F13A1: variants seen among roughly 807,000 people sequenced by gnomAD.
F13A1 encodes FSF, A subunit.
Under a neutral mutation model 80.1 loss-of-function variants are expected in F13A1, and 47 were observed. That is an observed-to-expected ratio of 0.59 (90% CI 0.46 to 0.75). The LOEUF is 0.75. Among genes scored for constraint, F13A1 ranks in the 30% least tolerant of loss-of-function variants. The pLI is 0.00. For missense variants in F13A1, 817 were observed against 930.4 expected, an observed-to-expected ratio of 0.88 and a Z score of 1.59; for synonymous variants, 349 against 344.9, an observed-to-expected ratio of 1.01 and a Z score of -0.13.
chr6:6,286,352 C>T (rs924153655), intron 3 of F13A1, among the ~76,000 whole-genome samples: 1 of 152,226 alleles, frequency 6.6e-6, no homozygotes, highest in Non-Finnish European at 1.5e-5. Flanking sequence ...CGCCACTTCT[C>T]TCCAGCCTGG....
chr6:6,188,075 T>G (rs1394079889), intron 10 of F13A1, among the ~76,000 whole-genome samples: 1 of 152,038 alleles, frequency 6.6e-6, no homozygotes, highest in Non-Finnish European at 1.5e-5. Flanking sequence ...TGATATCCCC[T>G]TTATCATTTT....
rs371552316 is a variant in F13A1 at position 6,151,854 on chromosome 6, C to T, written c.2004G>A (p.Leu668=). ...KETLRNVWVH[L]DGPGVTRPMK... is the part of the protein sequence containing the mutation. ...TTGGTCTTGTTACTCCAGGACCATC[C>T]AGGTGTACCCAGACATTTCGCAGGG... The change falls in exon 14 of 15, where the codon CTG becomes CTA. Residue 668 remains leucine, a synonymous_variant. Transcript: ENST00000264870. 3 of 1,613,966 alleles carry T rather than the reference C, an allele frequency of 1.9e-6. No individual in the cohort carries two copies. Among genetic ancestry groups the T allele is most frequent in the Admixed American group, 1.7e-5 (1 of 59,988 alleles).
chr6:6,289,955 T>C (rs1758201364), intron 3 of F13A1, among the ~76,000 whole-genome samples: 1 of 152,202 alleles, frequency 6.6e-6, no homozygotes, highest in Admixed American at 6.5e-5. Context: ...CAAAGTAGCT[T>C]CTAAGCATTT....
At chr6:6,158,350 C>T (rs1760513493) in intron 13 of F13A1, among the ~76,000 whole-genome samples, 1 of 152,150 alleles carries the variant, frequency 6.6e-6, no homozygotes, top group Non-Finnish European at 1.5e-5. Context: ...CTTGACTTCT[C>T]TGGGCCTCAG....
At chr6:6,211,827 T>C (rs1045596801) in intron 8 of F13A1, among the ~76,000 whole-genome samples, 1 of 152,200 alleles carries the variant, frequency 6.6e-6, no homozygotes, top group Non-Finnish European at 1.5e-5. Flanking sequence ...GCGCGCACCA[T>C]GCGCGAGCCA....
intron 3 of F13A1, among the ~76,000 whole-genome samples, chr6:6,289,320 A>T (rs1758188269): frequency 6.6e-6 from 1 of 152,128 alleles, no homozygotes; most frequent in Admixed American, 6.6e-5. Context: ...GTGAGCTGTC[A>T]TCCCTGAGAT....
At chr6:6,247,163 A>G (rs1757564545) in intron 6 of F13A1, among the ~76,000 whole-genome samples, 1 of 152,182 alleles carries the variant, frequency 6.6e-6, no homozygotes, top group Non-Finnish European at 1.5e-5. Context: ...ATTCACATGT[A>G]GCTTAGTTAT....
At chr6:6,281,861 C>T (rs556263326) in intron 3 of F13A1, among the ~76,000 whole-genome samples, 4 of 151,996 alleles carry the variant, frequency 2.6e-5, no homozygotes, top group South Asian at 2.1e-4. Context: ...GGCCTGGTGG[C>T]GGGCGCCTGT....
intron 11 of F13A1, 143 bp from the exon 12 acceptor site, chr6:6,175,010 A>T (rs1048481236): frequency 5.0e-6 from 5 of 998,270 alleles, no homozygotes; most frequent in African/African-American, 1.6e-5. Flanking sequence ...GGGTGCCGTC[A>T]TTATTCCTAT....
In F13A1 at chr6:6,197,625, C is replaced by G. The variant is rs1761314747; in HGVS notation, c.1113-299G>C. Among the ~76,000 whole-genome samples the G allele has an allele frequency of 2.6e-5, 4 of 151,822 alleles. No individual in the cohort carries two copies. In the South Asian group the frequency reaches 8.4e-4, roughly 32 times the overall value. Reference sequence around the variant, plus strand: ...TCTGGGATATGGAGGTTACAGTGAGCTGAGATTGTGCCACTGCACTTCAGC... The same window carrying G: ...TCTGGGATATGGAGGTTACAGTGAGGTGAGATTGTGCCACTGCACTTCAGC... On this transcript the variant is annotated intron_variant, in intron 8 of 14. Transcript: ENST00000264870.
intron 5 of F13A1, among the ~76,000 whole-genome samples, chr6:6,249,079 A>C (rs932747684): frequency 3.9e-5 from 6 of 152,212 alleles, no homozygotes; most frequent in Non-Finnish European, 8.8e-5. Flanking sequence ...CAATACCAGA[A>C]TTTTCTTAAA....
chr6:6,147,355 A>G (rs1760303114), intron 14 of F13A1, among the ~76,000 whole-genome samples: 1 of 152,196 alleles, frequency 6.6e-6, no homozygotes, highest in South Asian at 2.1e-4. Context: ...TTACTTTTTC[A>G]TAGGTTTTAT....
intron 3 of F13A1, among the ~76,000 whole-genome samples, chr6:6,304,727 ATG>A (rs1758485937): frequency 6.6e-6 from 1 of 151,666 alleles, no homozygotes; most frequent in Non-Finnish European, 1.5e-5. Context: ...GCTGGGCGTA[ATG>A]GTGTGCAACT....
At chr6:6,293,398 C>G (rs1263754402) in intron 3 of F13A1, among the ~76,000 whole-genome samples, 1 of 152,058 alleles carries the variant, frequency 6.6e-6, no homozygotes, top group African/African-American at 2.4e-5. Flanking sequence ...GTGATTACCA[C>G]TCCCCTCCTT....
chr6:6,178,588 A>G (rs1381699221), intron 11 of F13A1, among the ~76,000 whole-genome samples: 1 of 152,130 alleles, frequency 6.6e-6, no homozygotes, highest in Non-Finnish European at 1.5e-5. Flanking sequence ...AGACACAGAC[A>G]TGGGGTGATG....
chr6:6,317,020 C>T (rs1046359426), intron 2 of F13A1, among the ~76,000 whole-genome samples: 3 of 152,158 alleles, frequency 2.0e-5, no homozygotes, highest in East Asian at 1.9e-4. Flanking sequence ...GTGGCAAGGA[C>T]GGTTGTGTCA....
intron 3 of F13A1, among the ~76,000 whole-genome samples, chr6:6,289,156 T>C (rs563990408): frequency 2.2e-4 from 33 of 152,166 alleles, no homozygotes; most frequent in Non-Finnish European, 4.0e-4. Context: ...TAGTCCTTAT[T>C]TGCAGGTGAG....
intron 14 of F13A1, among the ~76,000 whole-genome samples, chr6:6,148,154 A>G (rs529326779): frequency 2.0e-5 from 3 of 152,256 alleles, no homozygotes; most frequent in Non-Finnish European, 4.4e-5. Flanking sequence ...AGAGCAAAAT[A>G]AATCTGGAAG....
chr6:6,147,564 T>C (rs1191814758), intron 14 of F13A1, among the ~76,000 whole-genome samples: 1 of 152,224 alleles, frequency 6.6e-6, no homozygotes, highest in African/African-American at 2.4e-5. Context: ...TATTGTTACC[T>C]GTATCCATTC....
Sources: gnomAD v4.1 joint callset for allele counts (sites outside exome capture counted in the v4.1 genomes callset) on GRCh38, gnomAD v4.1.1 for gene constraint, MANE v1.5 for transcripts, NCBI Gene and HGNC (gene_info 2026-07-23, HGNC 2026-07-21) for gene names.